SNTG1: variants seen among roughly 807,000 people sequenced by gnomAD.
SNTG1 encodes syntrophin gamma 1, also known as gamma-1-syntrophin.
In SNTG1, 39 loss-of-function variants were observed where a neutral mutation model predicts 74.7. The ratio of observed to expected loss-of-function variants is 0.52; its 90% CI spans 0.40 to 0.68. The LOEUF is 0.68. Among genes scored for constraint, SNTG1 ranks in the 30% least tolerant of loss-of-function variants. The pLI is 0.00. For synonymous variants in SNTG1, 254 were observed against 217.1 expected, an observed-to-expected ratio of 1.17 and a Z score of -1.49; for missense variants, 685 against 609.5, an observed-to-expected ratio of 1.12 and a Z score of -1.30.
chr8:50,710,794 A>T (rs1243869936), intron 17 of SNTG1, among the ~76,000 whole-genome samples: 1 of 152,266 alleles, frequency 6.6e-6, no homozygotes, highest in East Asian at 1.9e-4. Flanking sequence ...AATGATTATG[A>T]TGCCATCCAG....
intron 4 of SNTG1, among the ~76,000 whole-genome samples, chr8:50,407,416 G>C (rs73581310): frequency 0.078 from 11,925 of 152,160 alleles, 1,523 homozygotes; most frequent in African/African-American, 0.27. Flanking sequence ...CTGAAAACAA[G>C]ATTGCTATCA....
At chr8:50,739,267 ACT>A (rs1295184052) in intron 17 of SNTG1, among the ~76,000 whole-genome samples, 1 of 152,038 alleles carries the variant, frequency 6.6e-6, no homozygotes, top group Non-Finnish European at 1.5e-5. Context: ...ATGAACAGAC[ACT>A]CTCAAAAAAA....
At chr8:50,452,098 T>G (rs2093463109) in intron 8 of SNTG1, among the ~76,000 whole-genome samples, 1 of 152,226 alleles carries the variant, frequency 6.6e-6, no homozygotes, top group Admixed American at 6.5e-5. Context: ...AAGCCACGGC[T>G]GCACAAGAAC....
intron 8 of SNTG1, among the ~76,000 whole-genome samples, chr8:50,484,050 C>T (rs765999812): frequency 6.2e-4 from 94 of 152,024 alleles, no homozygotes; most frequent in Admixed American, 1.0e-3. Flanking sequence ...TTTAAGTAAA[C>T]ATTCTGGATT....
chr8:50,481,540 T>C (rs1188274654), intron 8 of SNTG1, among the ~76,000 whole-genome samples: 1 of 152,180 alleles, frequency 6.6e-6, no homozygotes, highest in Non-Finnish European at 1.5e-5. Flanking sequence ...GTTTAGTGAG[T>C]AGCAAATAAT....
rs139821685 is a variant in SNTG1, at chr8:50,156,682, C to T, written c.-102-15879C>T. Among the ~76,000 whole-genome samples the T allele has an allele frequency of 3.3e-3, 501 of 152,054 alleles. 8 individuals carry two copies. The highest frequency in any genetic ancestry group is 1.8e-3 in the Non-Finnish European group (120 of 67,904). On this transcript the variant is annotated intron_variant, in intron 1 of 18. Coordinates refer to ENST00000642720, the MANE Select transcript of SNTG1 (RefSeq NM_018967.5). The stretch of plus-strand genomic sequence containing the variant: ...AAAAATCATTGCTAAAAAGACAAAT[C>T]AGCCCATTAAAAATGGGCAAGTGTT...
chr8:50,625,042 G>T (rs1025684345), intron 13 of SNTG1, among the ~76,000 whole-genome samples: 31 of 152,032 alleles, frequency 2.0e-4, no homozygotes, highest in Admixed American at 1.4e-3. Context: ...ACATTAACTG[G>T]TCAATTTCTC....
intron 13 of SNTG1, among the ~76,000 whole-genome samples, chr8:50,593,917 C>T (rs960914651): frequency 1.3e-5 from 2 of 151,960 alleles, no homozygotes; most frequent in Non-Finnish European, 2.9e-5. Context: ...AGGGATTCAC[C>T]GTGTTGGCCA....
chr8:50,783,564 G>A (rs539006554), intron 18 of SNTG1, among the ~76,000 whole-genome samples: 12 of 152,312 alleles, frequency 7.9e-5, no homozygotes, highest in African/African-American at 1.9e-4. Context: ...CACAGTATTC[G>A]GGTGGGAGTG....
intron 5 of SNTG1, among the ~76,000 whole-genome samples, chr8:50,448,776 T>C (rs1444041299): frequency 6.6e-6 from 1 of 152,196 alleles, no homozygotes; most frequent in African/African-American, 2.4e-5. Context: ...GACTCACCCC[T>C]GTAATCCCAG....
intron 4 of SNTG1, among the ~76,000 whole-genome samples, chr8:50,434,735 T>C (rs2093282203): frequency 6.6e-6 from 1 of 152,192 alleles, no homozygotes; most frequent in Non-Finnish European, 1.5e-5. Flanking sequence ...TTTTTAATAA[T>C]TAGAGGCCAT....
chr8:50,528,806 T>C (rs1340407268), intron 9 of SNTG1, among the ~76,000 whole-genome samples: 1 of 146,772 alleles, frequency 6.8e-6, no homozygotes, highest in Non-Finnish European at 1.5e-5. Flanking sequence ...TTTTTCTAAA[T>C]TTTTTTTTTG....
At chr8:50,411,482 A>T (rs1563350261) in intron 4 of SNTG1, among the ~76,000 whole-genome samples, 1 of 151,902 alleles carries the variant, frequency 6.6e-6, no homozygotes, top group African/African-American at 2.4e-5. Context: ...ATCTCAAAAA[A>T]AAAATAAAAT....
intron 1 of SNTG1, among the ~76,000 whole-genome samples, chr8:50,005,471 G>A (rs1302543627): frequency 1.5e-5 from 1 of 66,602 alleles, no homozygotes; most frequent in Non-Finnish European, 3.9e-5. Context: ...AGGTATTACT[G>A]CAAAAAAAAA....
At chr8:50,678,627 A>G (rs192755994) in intron 15 of SNTG1, among the ~76,000 whole-genome samples, 12 of 129,204 alleles carry the variant, frequency 9.3e-5, no homozygotes, top group Non-Finnish European at 1.4e-4. Flanking sequence ...TGGGGACTTT[A>G]AAATTTTGTC....
At chr8:50,779,501 G>A (rs553434487) in intron 18 of SNTG1, among the ~76,000 whole-genome samples, 11 of 152,200 alleles carry the variant, frequency 7.2e-5, no homozygotes, top group African/African-American at 2.7e-4. Context: ...TTGGCTCTCT[G>A]TTTGTCTTTT....
intron 2 of SNTG1, among the ~76,000 whole-genome samples, chr8:50,270,463 T>C (rs1172748094): frequency 6.6e-6 from 1 of 152,190 alleles, no homozygotes; most frequent in African/African-American, 2.4e-5. Context: ...AAAAAGTTTA[T>C]GAATTCAACA....
intron 1 of SNTG1, among the ~76,000 whole-genome samples, chr8:50,140,993 G>A (rs896638175): frequency 6.6e-6 from 1 of 152,098 alleles, no homozygotes; most frequent in African/African-American, 2.4e-5. Flanking sequence ...ACATCCCCTG[G>A]AAACTTGATA....
chr8:49,966,250 T>C (rs1295595026), intron 1 of SNTG1, among the ~76,000 whole-genome samples: 4 of 152,140 alleles, frequency 2.6e-5, no homozygotes, highest in Admixed American at 6.6e-5. Flanking sequence ...AAAAGGTATA[T>C]TTATAGTTAT....
Sources: allele counts gnomAD v4.1 joint callset (sites outside exome capture counted in the v4.1 genomes callset), GRCh38; gene constraint gnomAD v4.1.1; transcripts MANE v1.5; gene names NCBI Gene and HGNC (gene_info 2026-07-23, HGNC 2026-07-21).